PTPRD: variants seen among roughly 807,000 people sequenced by gnomAD.
PTPRD encodes receptor-type tyrosine-protein phosphatase delta.
PTPRD carries 34 observed loss-of-function variants against 214.5 expected under a neutral mutation model. That is an observed-to-expected ratio of 0.16 (90% CI 0.12 to 0.21). PTPRD has a LOEUF of 0.21. Ranked by LOEUF, PTPRD falls within the 10% of genes least tolerant of loss-of-function variation. The pLI, the probability that PTPRD is intolerant of heterozygous loss-of-function variation, is 1.00. For synonymous variants in PTPRD, 1,128 were observed against 845.7 expected, an observed-to-expected ratio of 1.33 and a Z score of -5.79; for missense variants, 2,545 against 2,398.7, an observed-to-expected ratio of 1.06 and a Z score of -1.27.
chr9:9,352,829 T>C (rs1253451964), intron 9 of PTPRD, among the ~76,000 whole-genome samples: 1 of 151,962 alleles, frequency 6.6e-6, no homozygotes, highest in East Asian at 1.9e-4. Flanking sequence ...GGAAAGGAAT[T>C]GAGAAAAAGT....
At chr9:10,566,725 G>A (rs540906518) in intron 2 of PTPRD, among the ~76,000 whole-genome samples, 41 of 151,802 alleles carry the variant, frequency 2.7e-4, no homozygotes, top group African/African-American at 8.0e-4. Flanking sequence ...CATGGTTTGC[G>A]TTTTTTTGCG....
intron 39 of PTPRD, among the ~76,000 whole-genome samples, chr9:8,373,523 C>A (rs1439949649): frequency 1.3e-5 from 2 of 151,878 alleles, no homozygotes; most frequent in African/African-American, 4.8e-5. Context: ...GCTATTAGCT[C>A]AGCACATTCA....
At chr9:8,989,062 T>G (rs1451368180) in intron 11 of PTPRD, among the ~76,000 whole-genome samples, 2 of 152,126 alleles carry the variant, frequency 1.3e-5, no homozygotes, top group Non-Finnish European at 2.9e-5. Context: ...GGATTTCAAC[T>G]ACCTATGTCT....
At chr9:10,098,808 G>C (rs1422691368) in intron 3 of PTPRD, among the ~76,000 whole-genome samples, 1 of 151,772 alleles carries the variant, frequency 6.6e-6, no homozygotes, top group Non-Finnish European at 1.5e-5. Context: ...AAGACATGCA[G>C]GTGGTTAACT....
rs944925144 is a variant in PTPRD at position 8,971,994 on chromosome 9, T to C, written c.-104+46703A>G. On this transcript the variant is annotated intron_variant, in intron 11 of 45. Transcript: ENST00000381196. Reference sequence around the variant, plus strand: ...ACCTCTTTTACTTTAAATACTCTTATCACAAAATTTAAATTATTTAAAATA... The same window carrying C: ...ACCTCTTTTACTTTAAATACTCTTACCACAAAATTTAAATTATTTAAAATA... Among the ~76,000 whole-genome samples the C allele has an allele frequency of 2.0e-5, 3 of 151,730 alleles. No homozygotes were observed. The East Asian group carries it at 5.8e-4, about 29-fold the overall frequency.
intron 2 of PTPRD, among the ~76,000 whole-genome samples, chr9:10,392,027 T>C (rs1373529168): frequency 6.6e-6 from 1 of 151,808 alleles, no homozygotes; most frequent in Non-Finnish European, 1.5e-5. Flanking sequence ...CCTTCCCTAC[T>C]ACGTTTTATT....
intron 30 of PTPRD, among the ~76,000 whole-genome samples, chr9:8,482,034 G>A (rs1264801620): frequency 6.6e-6 from 1 of 152,118 alleles, no homozygotes; most frequent in Middle Eastern, 3.2e-3. Flanking sequence ...GCCCGCCTCG[G>A]CCTCCCAAAG....
chr9:10,560,589 T>C (rs994555344), intron 2 of PTPRD, among the ~76,000 whole-genome samples: 19 of 151,824 alleles, frequency 1.3e-4, no homozygotes, highest in African/African-American at 4.6e-4. Flanking sequence ...AAACAAAAAT[T>C]CAAATGAAGG....
At chr9:10,345,288 T>C (rs1050316606) in intron 2 of PTPRD, among the ~76,000 whole-genome samples, 10 of 152,158 alleles carry the variant, frequency 6.6e-5, no homozygotes, top group African/African-American at 9.7e-5. Flanking sequence ...TTAAATTTTG[T>C]TATTATACTT....
At chr9:9,121,145 A>G (rs2099817213) in intron 10 of PTPRD, among the ~76,000 whole-genome samples, 1 of 152,354 alleles carries the variant, frequency 6.6e-6, no homozygotes. Context: ...CATAAGAAAC[A>G]TGGCATAGAT....
At chr9:9,771,861 C>T (rs1265199888) in intron 5 of PTPRD, among the ~76,000 whole-genome samples, 1 of 151,982 alleles carries the variant, frequency 6.6e-6, no homozygotes, top group African/African-American at 2.4e-5. Context: ...AAAATAAATC[C>T]AGAACAATAA....
At chr9:10,301,513 G>C (rs1454923550) in intron 3 of PTPRD, among the ~76,000 whole-genome samples, 1 of 152,146 alleles carries the variant, frequency 6.6e-6, no homozygotes, top group Non-Finnish European at 1.5e-5. Context: ...AGGAAGCTAA[G>C]AACTTTGACA....
chr9:10,161,368 A>G (rs1592779219), intron 3 of PTPRD, among the ~76,000 whole-genome samples: 1 of 151,910 alleles, frequency 6.6e-6, no homozygotes, highest in East Asian at 1.9e-4. Flanking sequence ...ATGGAGCAGA[A>G]TAGAGAGAAC....
chr9:9,439,124 A>G (rs536425752), intron 8 of PTPRD, among the ~76,000 whole-genome samples: 3 of 152,322 alleles, frequency 2.0e-5, no homozygotes, highest in African/African-American at 7.2e-5. Flanking sequence ...TAGCATTAAA[A>G]TATATATGGC....
At chr9:9,692,952 C>T (rs2097301570) in intron 7 of PTPRD, among the ~76,000 whole-genome samples, 1 of 151,970 alleles carries the variant, frequency 6.6e-6, no homozygotes. Context: ...AGAAATGATA[C>T]TGATTACTGT....
In PTPRD at chr9:8,642,577, G is replaced by A. The variant is rs187204124; in HGVS notation, c.65-5733C>T. Among the ~76,000 whole-genome samples the A allele has an allele frequency of 8.7e-3, 1,326 of 152,218 alleles. 9 individuals are homozygous for A. Among genetic ancestry groups the A allele is most frequent in the Non-Finnish European group, 0.01 (704 of 68,018 alleles). On this transcript the variant is annotated intron_variant, in intron 12 of 45. Transcript: ENST00000381196. ...CTCTGATCTTTCTTTCTCTGTAAGC[G>A]TCAGGATGAGAGCTCTGAAGGAGAG... is the stretch of plus-strand genomic sequence containing the variant.
At chr9:10,130,485 G>C (rs2098856440) in intron 3 of PTPRD, among the ~76,000 whole-genome samples, 3 of 151,992 alleles carry the variant, frequency 2.0e-5, no homozygotes, top group Admixed American at 6.6e-5. Flanking sequence ...CTACTTAACT[G>C]TGGGTTTTTT....
intron 8 of PTPRD, among the ~76,000 whole-genome samples, chr9:9,566,450 C>T (rs1241050465): frequency 6.6e-6 from 1 of 151,874 alleles, no homozygotes; most frequent in Non-Finnish European, 1.5e-5. Context: ...ACGTGCTTTT[C>T]GATTAAACTT....
chr9:10,094,495 T>C (rs1163794965), intron 3 of PTPRD, among the ~76,000 whole-genome samples: 2 of 151,008 alleles, frequency 1.3e-5, no homozygotes, highest in East Asian at 3.9e-4. Context: ...ATTAAAATCA[T>C]TAGAAATAAA....
Sources: allele counts gnomAD v4.1 joint callset (sites outside exome capture counted in the v4.1 genomes callset), GRCh38; gene constraint gnomAD v4.1.1; transcripts MANE v1.5; gene names NCBI Gene and HGNC (gene_info 2026-07-23, HGNC 2026-07-21).